Variants in PCDHA11 observed in about 807,000 individuals in gnomAD.
PCDHA11 encodes the protein protocadherin alpha 11.
PCDHA11 carries 61 observed loss-of-function variants against 70.3 expected under a neutral mutation model. That is an observed-to-expected ratio of 0.87 (90% CI 0.71 to 1.07). PCDHA11 has a LOEUF of 1.07. Ranked by LOEUF, PCDHA11 falls within the 50% of genes least tolerant of loss-of-function variation. The probability of loss-of-function intolerance (pLI) is 0.00; values close to 1 mark genes in which losing one functional copy is unlikely to be tolerated. For missense variants in PCDHA11, 1,324 were observed against 1,237.5 expected (o/e 1.07, Z -1.05); for synonymous variants, 633 against 555.1 (o/e 1.14, Z -1.97).
At chr5:141,005,199 C>T (rs2098200928) in intron 3 of PCDHA11, among the ~76,000 whole-genome samples, 1 of 152,208 alleles carries the variant, frequency 6.6e-6, no homozygotes, top group African/African-American at 2.4e-5. Flanking sequence ...TCCTTTCATT[C>T]ATTCATCCAG....
chr5:140,877,546 G>T, intron 1 of PCDHA11: 4 of 1,613,794 alleles, frequency 2.5e-6, no homozygotes, highest in Non-Finnish European at 3.4e-6. Flanking sequence ...TCCCGAAGCG[G>T]CTCTGGTGGA....
intron 1 of PCDHA11, among the ~76,000 whole-genome samples, chr5:140,952,280 G>A (rs1320502466): frequency 2.0e-5 from 3 of 151,652 alleles, no homozygotes; most frequent in Non-Finnish European, 4.4e-5. Context: ...TGAGGGTGGT[G>A]GCCCTCTTCT....
At chr5:140,911,250 A>G (rs1165718759) in intron 1 of PCDHA11, among the ~76,000 whole-genome samples, 1 of 152,166 alleles carries the variant, frequency 6.6e-6, no homozygotes. Context: ...AAGTTTCATC[A>G]GAATTTATAA....
chr5:141,004,745 A>C (rs1282005519), intron 3 of PCDHA11, among the ~76,000 whole-genome samples: 2 of 152,158 alleles, frequency 1.3e-5, no homozygotes, highest in Non-Finnish European at 2.9e-5. Flanking sequence ...CTTTTGTCTC[A>C]GTCTCTTAGA....
rs782251882 is a variant in PCDHA11 at position 140,869,140 on chromosome 5, C to T, written c.37C>T (p.Arg13Ter). 4 of 1,613,188 alleles carry T rather than the reference C, an allele frequency of 2.5e-6. No homozygotes were observed. In the South Asian group the frequency reaches 3.3e-5, roughly 13 times the overall value. Residue 13 changes from arginine to a stop codon, truncating the protein, a stop_gained, in exon 1 of 4, where the codon CGA (arginine) becomes TGA (stop). Coordinates refer to ENST00000398640, the MANE Select transcript of PCDHA11 (RefSeq NM_018902.5). LOFTEE classifies it high-confidence loss of function. ...TCAGAGAAGGGGATTGGGCACCCCA[C>T]GACTACAGCTCTGGCTTCTCCTCCT... The part of the protein sequence containing the change: ...GFQRRGLGTP[R>*]LQLWLLLLEF...
chr5:140,884,158 G>A (rs376345503), intron 1 of PCDHA11: 8 of 1,613,488 alleles, frequency 5.0e-6, no homozygotes, highest in African/African-American at 1.3e-5. Context: ...ACACTGGCGA[G>A]ATCAGCACGA....
At chr5:140,998,415 C>T (rs1554256243) in intron 3 of PCDHA11, among the ~76,000 whole-genome samples, 1 of 152,158 alleles carries the variant, frequency 6.6e-6, no homozygotes, top group African/African-American at 2.4e-5. Context: ...GTTTATCTAC[C>T]TGGTTTATCC....
chr5:140,917,042 G>A (rs73793522), intron 1 of PCDHA11, among the ~76,000 whole-genome samples: 8,683 of 152,228 alleles, frequency 0.057, 736 homozygotes, highest in African/African-American at 0.19. Flanking sequence ...GTCCAGCACA[G>A]TGTTGTTCCC....
chr5:140,895,647 C>T (rs954657912), intron 1 of PCDHA11, among the ~76,000 whole-genome samples: 1 of 151,996 alleles, frequency 6.6e-6, no homozygotes, highest in African/African-American at 2.4e-5. Context: ...TTTTTAGCTC[C>T]CACTTATAAG....
chr5:140,994,473 C>T (rs1199561805), intron 3 of PCDHA11, among the ~76,000 whole-genome samples: 2 of 152,038 alleles, frequency 1.3e-5, no homozygotes, highest in Admixed American at 6.5e-5. Flanking sequence ...GAGGCTGAGG[C>T]GGGTGGATTG....
chr5:140,884,305 G>A (rs1223534357), intron 1 of PCDHA11: 2 of 1,613,602 alleles, frequency 1.2e-6, no homozygotes, highest in Non-Finnish European at 1.7e-6. Context: ...CACAGGCTTC[G>A]TCGAGGGCGT....
intron 3 of PCDHA11, among the ~76,000 whole-genome samples, chr5:141,004,084 T>C (rs2098151963): frequency 6.6e-6 from 1 of 152,234 alleles, no homozygotes; most frequent in Non-Finnish European, 1.5e-5. Context: ...GGTAGAAATG[T>C]GCTTCTTCCG....
chr5:140,883,447 C>T (rs967998655), intron 1 of PCDHA11: 13 of 1,614,168 alleles, frequency 8.1e-6, no homozygotes, highest in Non-Finnish European at 1.0e-5. Flanking sequence ...CGCCGCATGT[C>T]CCCTTCAAGC....
At chr5:140,984,132 G>A (rs1395953013) in intron 3 of PCDHA11, among the ~76,000 whole-genome samples, 1 of 152,240 alleles carries the variant, frequency 6.6e-6, no homozygotes, top group African/African-American at 2.4e-5. Context: ...GTTGCAGGAT[G>A]TGGAGGCATC....
rs1298357431 is a variant in PCDHA11 at position 140,870,482 on chromosome 5, C to A, written c.1379C>A (p.Thr460Asn). 1 of 1,614,126 alleles carries A rather than the reference C, an allele frequency of 6.2e-7. No homozygotes were observed. The highest frequency in any genetic ancestry group is 8.5e-7 in the Non-Finnish European group (1 of 1,180,056). Residue 460 changes from threonine to asparagine, a missense_variant, in exon 1 of 4, where the codon ACC becomes AAC. Thr to Asn is a moderately conservative substitution (Grantham distance 65, BLOSUM62 0). Coordinates refer to ENST00000398640, the MANE Select transcript of PCDHA11 (RefSeq NM_018902.5). ...NAPAFAQPEY[T>N]VFVKENNPPG... ...CCTGCGTTCGCACAGCCCGAGTACA[C>A]CGTGTTCGTGAAGGAGAACAACCCA...
At chr5:140,935,520 G>A (rs1404556030) in intron 1 of PCDHA11, among the ~76,000 whole-genome samples, 1 of 152,154 alleles carries the variant, frequency 6.6e-6, no homozygotes, top group Non-Finnish European at 1.5e-5. Context: ...CAGTAGGCAT[G>A]TACAGTCAAA....
intron 1 of PCDHA11, chr5:140,928,228 C>T: frequency 6.2e-7 from 1 of 1,614,218 alleles, no homozygotes; most frequent in Non-Finnish European, 8.5e-7. Context: ...ACCAAACTTT[C>T]CTCAACCCCA....
intron 1 of PCDHA11, among the ~76,000 whole-genome samples, chr5:140,924,575 T>C (rs1255232429): frequency 6.6e-6 from 1 of 152,078 alleles, no homozygotes; most frequent in East Asian, 1.9e-4. Flanking sequence ...TTTTTAAATG[T>C]TTTCAAATAT....
intron 1 of PCDHA11, among the ~76,000 whole-genome samples, chr5:140,886,847 A>AT (rs2061191950): frequency 6.6e-6 from 1 of 151,038 alleles, no homozygotes; most frequent in Non-Finnish European, 1.5e-5. Flanking sequence ...AAAAAAAAAA[A>AT]GAAAGGTCTT....
Sources: allele counts gnomAD v4.1 joint callset (sites outside exome capture counted in the v4.1 genomes callset), GRCh38; gene constraint gnomAD v4.1.1; transcripts MANE v1.5; gene names NCBI Gene and HGNC (gene_info 2026-07-23, HGNC 2026-07-21).